Variants in CCSER1 observed in about 807,000 individuals in gnomAD.
CCSER1 encodes the protein coiled-coil serine rich protein 1.
A neutral mutation model predicts 82.0 loss-of-function variants in CCSER1; 41 were observed. That is an observed-to-expected ratio of 0.50 (90% CI 0.39 to 0.65). The LOEUF (loss-of-function observed/expected upper bound fraction) is 0.65. Ranked by LOEUF, CCSER1 falls within the 30% of genes least tolerant of loss-of-function variation. The pLI is 0.00. For synonymous variants in CCSER1, 414 were observed against 383.9 expected, an observed-to-expected ratio of 1.08 and a Z score of -0.92; for missense variants, 1,119 against 1,064.2, an observed-to-expected ratio of 1.05 and a Z score of -0.72.
At chr4:90,819,155 T>C (rs376191117) in intron 8 of CCSER1, among the ~76,000 whole-genome samples, 1 of 152,022 alleles carries the variant, frequency 6.6e-6, no homozygotes, top group South Asian at 2.1e-4. Flanking sequence ...TGCATGCACA[T>C]AGGGAGAGAG....
chr4:90,269,038 A>G (rs1725763911), intron 1 of CCSER1, among the ~76,000 whole-genome samples: 1 of 152,156 alleles, frequency 6.6e-6, no homozygotes, highest in South Asian at 2.1e-4. Flanking sequence ...CAGAGTACCC[A>G]GATATGTAAG....
chr4:90,465,117 C>A (rs1763450090), intron 4 of CCSER1, among the ~76,000 whole-genome samples: 1 of 151,882 alleles, frequency 6.6e-6, no homozygotes, highest in Non-Finnish European at 1.5e-5. Flanking sequence ...GCACGTGCCA[C>A]CACATCCAGC....
intron 8 of CCSER1, among the ~76,000 whole-genome samples, chr4:90,901,291 T>G (rs1724618610): frequency 6.6e-6 from 1 of 151,960 alleles, no homozygotes; most frequent in South Asian, 2.1e-4. Context: ...CTGTTTACCT[T>G]CAAGGTTAAT....
intron 1 of CCSER1, among the ~76,000 whole-genome samples, chr4:90,186,490 GATC>G (rs1734639978): frequency 6.6e-6 from 1 of 151,904 alleles, no homozygotes; most frequent in Non-Finnish European, 1.5e-5. Context: ...AGGTGTCACT[GATC>G]ATAACATATG....
intron 8 of CCSER1, among the ~76,000 whole-genome samples, chr4:90,897,271 C>T (rs1477698516): frequency 1.3e-5 from 2 of 151,740 alleles, no homozygotes; most frequent in Non-Finnish European, 2.9e-5. Context: ...GTTTATCAAC[C>T]CTCAACTCCC....
intron 6 of CCSER1, among the ~76,000 whole-genome samples, chr4:90,638,551 A>C (rs1038388793): frequency 2.6e-5 from 4 of 152,174 alleles, no homozygotes; most frequent in African/African-American, 9.6e-5. Context: ...TCATATACAC[A>C]TATGGATCCC....
intron 9 of CCSER1, among the ~76,000 whole-genome samples, chr4:90,999,757 T>C (rs1244715153): frequency 6.6e-6 from 1 of 152,060 alleles, no homozygotes; most frequent in African/African-American, 2.4e-5. Flanking sequence ...TGTCAATTTT[T>C]GCTTTCATTG....
chr4:91,211,995 T>C (rs1736856677), intron 10 of CCSER1, among the ~76,000 whole-genome samples: 1 of 152,104 alleles, frequency 6.6e-6, no homozygotes, highest in South Asian at 2.1e-4. Flanking sequence ...TCAAATTTCA[T>C]CAGTTATGCA....
At chr4:91,546,852 T>G (rs1166808092) in intron 10 of CCSER1, among the ~76,000 whole-genome samples, 1 of 151,994 alleles carries the variant, frequency 6.6e-6, no homozygotes, top group Non-Finnish European at 1.5e-5. Flanking sequence ...TTCTAATATA[T>G]GCATTAAATG....
intron 6 of CCSER1, among the ~76,000 whole-genome samples, chr4:90,693,797 A>G (rs929455670): frequency 3.9e-5 from 6 of 151,918 alleles, no homozygotes; most frequent in Admixed American, 2.6e-4. Context: ...TAGGCTATCA[A>G]AGATAAACCA....
At chr4:90,421,916 G>C (rs1483509362) in intron 4 of CCSER1, among the ~76,000 whole-genome samples, 1 of 152,108 alleles carries the variant, frequency 6.6e-6, no homozygotes, top group African/African-American at 2.4e-5. Flanking sequence ...AAATAGGAAA[G>C]TGATGTTAAA....
chr4:90,715,999 C>A (rs1741569586), intron 6 of CCSER1, among the ~76,000 whole-genome samples: 1 of 151,248 alleles, frequency 6.6e-6, no homozygotes, highest in African/African-American at 2.4e-5. Flanking sequence ...ACAGTCATAA[C>A]AAATAGTAGG....
intron 1 of CCSER1, among the ~76,000 whole-genome samples, chr4:90,234,391 A>G (rs907739882): frequency 2.0e-5 from 3 of 152,046 alleles, no homozygotes; most frequent in Admixed American, 6.6e-5. Context: ...TAATTTTTGT[A>G]TTTTTAGTAG....
chr4:90,937,251 C>T (rs140465318), intron 9 of CCSER1, among the ~76,000 whole-genome samples: 2 of 152,166 alleles, frequency 1.3e-5, no homozygotes, highest in East Asian at 3.9e-4. Context: ...AGCTGGAACT[C>T]GAGTGATGGG....
chr4:91,229,869 A>C (rs1323304679), intron 10 of CCSER1, among the ~76,000 whole-genome samples: 2 of 152,072 alleles, frequency 1.3e-5, no homozygotes, highest in Non-Finnish European at 1.5e-5. Context: ...AGCATTAGAC[A>C]AAATACCTAA....
chr4:90,139,105 G>T lies in CCSER1; in HGVS notation c.-42+11274G>T, dbSNP rs1207567195. Among the ~76,000 whole-genome samples, 4 of 152,134 alleles carry T rather than the reference G, an allele frequency of 2.6e-5. No individual in the cohort carries two copies. The East Asian group carries it at 7.7e-4, about 29-fold the overall frequency. ...GACATCCTAGCTTGCTACACAGAGT[G>T]AGTGTGCTTGTTTCCAGATCTCCAA... On this transcript the variant is annotated intron_variant, in intron 1 of 10. Transcript: ENST00000509176.
chr4:90,755,759 G>T (rs1202723550), intron 7 of CCSER1, among the ~76,000 whole-genome samples: 1 of 152,124 alleles, frequency 6.6e-6, no homozygotes, highest in Non-Finnish European at 1.5e-5. Flanking sequence ...ACTTCTGAAG[G>T]AATTTGTGAA....
chr4:91,538,973 G>T lies in CCSER1; in HGVS notation c.2218-59599G>T, dbSNP rs182888283. Among the ~76,000 whole-genome samples, 274 of 151,934 alleles carry T rather than the reference G, an allele frequency of 1.8e-3. 5 individuals carry two copies. Among genetic ancestry groups the T allele is most frequent in the Admixed American group, 0.014 (213 of 15,238 alleles). ...GTGAAGCCTAAGCCCATTTACCCTT[G>T]TTCTGTCAGCCCAGCTGAATGACAG... On this transcript the variant is annotated intron_variant, in intron 10 of 10. Transcript: ENST00000509176.
chr4:91,000,864 A>G lies in CCSER1; in HGVS notation c.2172+77417A>G, dbSNP rs143797454. Among the ~76,000 whole-genome samples the G allele has an allele frequency of 2.9e-4, 44 of 152,244 alleles. 2 individuals are homozygous for G. In the East Asian group the frequency reaches 8.3e-3, roughly 29 times the overall value. On this transcript the variant is annotated intron_variant, in intron 9 of 10. Transcript: ENST00000509176. ...AGTTTTCTAGGTATAGAGTCATATC[A>G]TCCACAAAGATAAGTTGAATTCTTC...
Sources: allele counts gnomAD v4.1 joint callset (sites outside exome capture counted in the v4.1 genomes callset), GRCh38; gene constraint gnomAD v4.1.1; transcripts MANE v1.5; gene names NCBI Gene and HGNC (gene_info 2026-07-23, HGNC 2026-07-21).